ATAD2: variants seen among roughly 807,000 people sequenced by gnomAD.
The protein encoded by ATAD2 is ATPase family AAA domain-containing protein 2.
ATAD2 carries 62 observed loss-of-function variants against 168.9 expected under a neutral mutation model. The ratio of observed to expected loss-of-function variants is 0.37; its 90% CI spans 0.30 to 0.45. The LOEUF (loss-of-function observed/expected upper bound fraction) is 0.45, where lower values mean the gene tolerates loss of function less well. ATAD2 is among the 20% of genes least tolerant of loss of function. The pLI is 1.00. For missense variants in ATAD2, 1,419 were observed against 1,667.8 expected (o/e 0.85, Z 2.60); for synonymous variants, 613 against 571.6 (o/e 1.07, Z -1.03).
intron 1 of ATAD2, among the ~76,000 whole-genome samples, chr8:123,412,134 T>C (rs1446221543): frequency 6.6e-6 from 1 of 152,196 alleles, no homozygotes; most frequent in African/African-American, 2.4e-5. Flanking sequence ...CCACGCGAAC[T>C]AGGGCATCAC....
At chr8:123,394,649 G>C (rs1055024084) in intron 1 of ATAD2, among the ~76,000 whole-genome samples, 1 of 151,886 alleles carries the variant, frequency 6.6e-6, no homozygotes, top group Non-Finnish European at 1.5e-5. Context: ...AAAAAAAAAA[G>C]AGCCTATGTA....
chr8:123,325,059 T>C (rs75086753), intron 26 of ATAD2, among the ~76,000 whole-genome samples: 3,555 of 150,892 alleles, frequency 0.024, 137 homozygotes, highest in African/African-American at 0.081. Context: ...TTTTTAAGAA[T>C]TAAAAATCTA....
chr8:123,406,678 G>T (rs1031890623), intron 1 of ATAD2, among the ~76,000 whole-genome samples: 1 of 151,854 alleles, frequency 6.6e-6, no homozygotes, highest in South Asian at 2.1e-4. Flanking sequence ...TTAGCCGGGC[G>T]TTGTGGTGCA....
At position 123,356,395 on chromosome 8, in the gene ATAD2, A is replaced by T; in HGVS notation, c.1640T>A (p.Ile547Asn). ...APVRSSRQDQ[I>N]HSSIVSTLLA... Reference sequence around the variant, plus strand: ...GCCATCAAGCAAGTTTTACCTGTGAATCTGATCTTGCCTGCTTGACCGTAC... The same window carrying T: ...GCCATCAAGCAAGTTTTACCTGTGATTCTGATCTTGCCTGCTTGACCGTAC... Residue 547 changes from isoleucine (I) to asparagine (N), a missense_variant, in exon 13 of 28, where the codon ATT becomes AAT. Transcript: ENST00000287394. The T allele has an allele frequency of 6.2e-7, 1 of 1,611,058 alleles. No individual in the cohort carries two copies. The highest frequency in any genetic ancestry group is 8.5e-7 in the Non-Finnish European group (1 of 1,178,064).
At chr8:123,381,137 A>G (rs1829482351) in intron 1 of ATAD2, among the ~76,000 whole-genome samples, 1 of 152,206 alleles carries the variant, frequency 6.6e-6, no homozygotes, top group Non-Finnish European at 1.5e-5. Flanking sequence ...GGCTTAAACA[A>G]TGAAAAAGAG....
chr8:123,359,100 T>C lies in ATAD2; in HGVS notation c.1382+121A>G, dbSNP rs541680284. 6.8e-5 allele frequency: 42 copies of C among 615,124 alleles called. No individual in the cohort carries two copies. The East Asian group carries it at 1.1e-3, about 15-fold the overall frequency. The allele number at this position is 615,124 out of a possible 1,614,324, so 38.1% of individuals were successfully genotyped here. A position where few individuals can be genotyped will look rare whatever the true frequency, so the allele number is the denominator to read the frequency against. ...AAAGGTGATTCAGAGAGAAAAGTTGTATAATGAAAAGGGAAAAGGGAACTA... is the reference window on the plus strand; with the variant it reads ...AAAGGTGATTCAGAGAGAAAAGTTGCATAATGAAAAGGGAAAAGGGAACTA... On this transcript the variant is annotated intron_variant, in intron 11 of 27. Coordinates refer to ENST00000287394, the MANE Select transcript of ATAD2 (RefSeq NM_014109.4).
In ATAD2 at chr8:123,356,445, A is replaced by C; in HGVS notation, c.1590T>G (p.Phe530Leu). ...CTGGAGCCAGACCATCAATTTCGTC[A>C]AAAAAAATAATTGATGGGCGCATCT... ...AYQMRPSIIF[F>L]DEIDGLAPVR... Residue 530 changes from phenylalanine (F) to leucine (L), a missense_variant, in exon 13 of 28, where the codon TTT becomes TTG. By Grantham distance (22) the Phe-to-Leu change is conservative. Around this residue, in one of 5 missense-constraint regions of ATAD2, gnomAD observed 545 missense variants for 724.9 expected, o/e 0.75. Coordinates refer to ENST00000287394, the MANE Select transcript of ATAD2 (RefSeq NM_014109.4). 1 of 1,550,788 alleles carries C rather than the reference A, an allele frequency of 6.4e-7. No individual in the cohort carries two copies. Among genetic ancestry groups the C allele is most frequent in the Non-Finnish European group, 8.8e-7 (1 of 1,140,680 alleles).
At chr8:123,367,483 T>C (rs540911370) in intron 8 of ATAD2, among the ~76,000 whole-genome samples, 30 of 152,170 alleles carry the variant, frequency 2.0e-4, no homozygotes, top group African/African-American at 6.3e-4. Context: ...TACTGCTGGA[T>C]CAAACAGAGA....
intron 2 of ATAD2, among the ~76,000 whole-genome samples, chr8:123,375,023 G>C (rs939208846): frequency 8.5e-5 from 13 of 152,140 alleles, no homozygotes; most frequent in African/African-American, 3.1e-4. Flanking sequence ...AAAAAGAATG[G>C]AAAGGAAGGA....
chr8:123,401,471 TG>T (rs1563871402), intron 1 of ATAD2: 6 of 1,550,944 alleles, frequency 3.9e-6, no homozygotes, highest in Non-Finnish European at 4.4e-6. Flanking sequence ...TCCAGGTGAT[TG>T]GGGGGAACGT....
intron 1 of ATAD2, among the ~76,000 whole-genome samples, chr8:123,391,137 C>T (rs1036744528): frequency 1.1e-4 from 16 of 151,008 alleles, no homozygotes; most frequent in African/African-American, 3.4e-4. Flanking sequence ...TTTACAGAAA[C>T]CAAAGAACCT....
Position 123,372,662 on chromosome 8 carries a change from A to C in ATAD2, c.345T>G (p.Asp115Glu). The C allele has an allele frequency of 6.3e-7, 1 of 1,589,282 alleles. No individual in the cohort carries two copies. The highest frequency in any genetic ancestry group is 8.5e-7 in the Non-Finnish European group (1 of 1,169,604). The change falls in exon 3 of 28, where the codon GAT (aspartate) becomes GAG (glutamate). Residue 115 changes from aspartate to glutamate, a missense_variant. Transcript: ENST00000287394. ...CTTCTCTGTGCTCTTCTTTTTTTTT[A>C]TCAGCCTGCTGTCTGGCCAACTGCC... ...FTRQLARQQA[D>E]KKKEEHREDK... is the part of the protein sequence containing the mutation.
chr8:123,348,660 G>T (rs2131333036), intron 14 of ATAD2, among the ~76,000 whole-genome samples: 1 of 152,288 alleles, frequency 6.6e-6, no homozygotes, highest in Admixed American at 6.5e-5. Context: ...CTGGGTGACA[G>T]AGCAAGACTT....
At chr8:123,331,109 T>G (rs553049559) in intron 24 of ATAD2, among the ~76,000 whole-genome samples, 11 of 152,046 alleles carry the variant, frequency 7.2e-5, no homozygotes, top group African/African-American at 2.7e-4. Context: ...CCCAGCTAGT[T>G]GTTGTATTTT....
chr8:123,372,295 C>T (rs982515188), intron 3 of ATAD2, among the ~76,000 whole-genome samples: 1 of 152,118 alleles, frequency 6.6e-6, no homozygotes, highest in East Asian at 1.9e-4. Flanking sequence ...AGATAATACA[C>T]ACTAAGCTAT....
chr8:123,409,165 A>G (rs1813115926), intron 1 of ATAD2, among the ~76,000 whole-genome samples: 2 of 151,966 alleles, frequency 1.3e-5, no homozygotes, highest in African/African-American at 4.8e-5. Context: ...TTACCTCTCT[A>G]TTGACCTCTC....
rs2131263887 is a variant in ATAD2 at position 123,320,479 on chromosome 8, A to G, written c.*655T>C. 2 of 152,402 alleles carry G rather than the reference A, an allele frequency of 1.3e-5. No homozygotes were observed. The highest frequency in any genetic ancestry group is 1.9e-4 in the East Asian group (1 of 5,194). 9.4% of individuals were successfully genotyped at this position (152,402 alleles called of 1,614,324 possible). A position where few individuals can be genotyped will look rare whatever the true frequency, so the allele number is the denominator to read the frequency against. ...AGTTATTAATACATTTGTTGTGTAT[A>G]TAATTACAAAAGTAAACCAAGAAAT... is the stretch of plus-strand genomic sequence containing the variant. On this transcript the variant is annotated 3_prime_UTR_variant, in exon 28 of 28. Transcript: ENST00000287394.
chr8:123,400,764 G>A (rs993441027), upstream of ATAD2: 4 of 796,636 alleles, frequency 5.0e-6, no homozygotes, highest in African/African-American at 1.7e-5. This position sits in a 1 kb window ranked among gnomAD's most constrained non-coding sequence, Gnocchi z 4.5. Flanking sequence ...CGCTGAAGAC[G>A]CCGCTGATCT....
intron 12 of ATAD2, 55 bp downstream of exon 12, chr8:123,357,507 A>G (rs1828687932): frequency 1.4e-6 from 2 of 1,438,302 alleles, no homozygotes; most frequent in African/African-American, 1.4e-5. Context: ...TAATCCTCAC[A>G]CACATCTGCC....
Sources: allele counts gnomAD v4.1 joint callset (sites outside exome capture counted in the v4.1 genomes callset), GRCh38; gene constraint gnomAD v4.1.1; regional missense constraint gnomAD v4.1.1; non-coding constraint Gnocchi (gnomAD v3.1); transcripts MANE v1.5; gene names NCBI Gene and HGNC (gene_info 2026-07-23, HGNC 2026-07-21).